Variants in TMEM120B observed in about 807,000 individuals in gnomAD.
TMEM120B encodes the protein transmembrane protein 120B.
Under a neutral mutation model 55.5 loss-of-function variants are expected in TMEM120B, and 31 were observed. The ratio of observed to expected loss-of-function variants is 0.56; its 90% CI spans 0.42 to 0.75. TMEM120B has a LOEUF of 0.75. Among genes scored for constraint, TMEM120B ranks in the 30% least tolerant of loss-of-function variants. TMEM120B has a pLI of 0.00. For missense variants in TMEM120B, 399 were observed against 425.5 expected (o/e 0.94, Z 0.55); for synonymous variants, 203 against 176.3 (o/e 1.15, Z -1.20).
intron 5 of TMEM120B, among the ~76,000 whole-genome samples, chr12:121,759,252 G>C (rs977650374): frequency 6.6e-6 from 1 of 151,944 alleles, no homozygotes; most frequent in African/African-American, 2.4e-5. Context: ...AGTGGTGGTA[G>C]TATTCAAGTT....
rs1435699980 is a variant in TMEM120B, at chr12:121,778,679, T to C, written c.*2957T>C. On this transcript the variant is annotated 3_prime_UTR_variant, in exon 12 of 12. Transcript: ENST00000449592. ...GAAGCGGGGCTTGAGGGACAGCAGG[T>C]TGGGAGCTTGAGGACTAAGTGGGCC... is the stretch of plus-strand genomic sequence containing the variant. 1 of 151,938 alleles carries C rather than the reference T, an allele frequency of 6.6e-6. No homozygotes were observed. The highest frequency in any genetic ancestry group is 2.4e-5 in the African/African-American group (1 of 41,340). 9.4% of individuals were successfully genotyped at this position (151,938 alleles called of 1,614,324 possible).
intron 6 of TMEM120B, among the ~76,000 whole-genome samples, chr12:121,769,541 A>G (rs977198490): frequency 7.9e-6 from 1 of 126,070 alleles, no homozygotes; most frequent in Non-Finnish European, 1.9e-5. Flanking sequence ...CCCTGTCTCT[A>G]AAAAAAAAAA....
chr12:121,713,942 A>C (rs1392802184), intron 1 of TMEM120B, among the ~76,000 whole-genome samples: 2 of 151,940 alleles, frequency 1.3e-5, no homozygotes, highest in Non-Finnish European at 2.9e-5. Flanking sequence ...CTGTCCATGT[A>C]CCTCTTGTCT....
At position 121,748,371 on chromosome 12, in the gene TMEM120B, G is replaced by C; in HGVS notation, c.234G>C (p.Gln78His). The change falls in exon 3 of 12, where the codon CAG becomes CAC. Residue 78 changes from glutamine to histidine, a missense_variant. Gln to His is a conservative substitution (Grantham distance 24). Around this residue, in one of 3 missense-constraint regions of TMEM120B, gnomAD observed 133 missense variants for 104.1 expected, o/e 1.28. Coordinates refer to ENST00000449592, the MANE Select transcript of TMEM120B (RefSeq NM_001080825.2). ...GGGAGGAGGCGGAGCTCGTTCAGCAGATGGCAGCGAACATCAAGGAGCGGC... is the reference window on the plus strand; with the variant it reads ...GGGAGGAGGCGGAGCTCGTTCAGCACATGGCAGCGAACATCAAGGAGCGGC... The part of the protein sequence containing the change: ...ASREEAELVQ[Q>H]MAANIKERQD... 1 of 1,611,094 alleles carries C rather than the reference G, an allele frequency of 6.2e-7. No homozygotes were observed. Among genetic ancestry groups the C allele is most frequent in the Non-Finnish European group, 8.5e-7 (1 of 1,178,686 alleles).
At chr12:121,741,429 A>C (rs1455985383) in intron 1 of TMEM120B, among the ~76,000 whole-genome samples, 1 of 152,166 alleles carries the variant, frequency 6.6e-6, no homozygotes, top group Admixed American at 6.6e-5. Flanking sequence ...TCCCGGGTTC[A>C]AGCGATTCTC....
chr12:121,740,139 T>C (rs1334133027), intron 1 of TMEM120B, among the ~76,000 whole-genome samples: 1 of 152,106 alleles, frequency 6.6e-6, no homozygotes, highest in Non-Finnish European at 1.5e-5. Context: ...ACAGATACAG[T>C]TGATTAACAC....
intron 1 of TMEM120B, among the ~76,000 whole-genome samples, chr12:121,731,853 A>G (rs1895009323): frequency 1.3e-5 from 2 of 152,220 alleles, no homozygotes; most frequent in African/African-American, 2.4e-5. Flanking sequence ...TACCACAATT[A>G]AAAAATGAAA....
Position 121,779,573 on chromosome 12 carries a change from C to T in TMEM120B, c.*3851C>T, listed in dbSNP as rs754409438. ...GAGCGCTGAGAGCCACCTTGGCGGCCTCCCGGAAGACGTCCTCCACATTCT... is the reference window on the plus strand; with the variant it reads ...GAGCGCTGAGAGCCACCTTGGCGGCTTCCCGGAAGACGTCCTCCACATTCT... On this transcript the variant is annotated 3_prime_UTR_variant, in exon 12 of 12. Transcript: ENST00000449592. 1.9e-6 allele frequency: 3 copies of T among 1,614,040 alleles called. No homozygotes were observed. Among genetic ancestry groups the T allele is most frequent in the Non-Finnish European group, 1.7e-6 (2 of 1,180,050 alleles).
chr12:121,736,630 A>G (rs1895122322), intron 1 of TMEM120B, among the ~76,000 whole-genome samples: 1 of 151,496 alleles, frequency 6.6e-6, no homozygotes, highest in Non-Finnish European at 1.5e-5. Flanking sequence ...GCACACTGCA[A>G]CCTCCGCCTC....
chr12:121,734,229 G>T (rs1055232395), intron 1 of TMEM120B, among the ~76,000 whole-genome samples: 1 of 152,054 alleles, frequency 6.6e-6, no homozygotes, highest in Non-Finnish European at 1.5e-5. Context: ...AACTCACATG[G>T]CTGGGGCTGG....
chr12:121,746,377 G>A (rs982348631), intron 2 of TMEM120B, among the ~76,000 whole-genome samples: 1 of 152,026 alleles, frequency 6.6e-6, no homozygotes, highest in African/African-American at 2.4e-5. Context: ...AGTAGAGACG[G>A]GGTTTCTCCA....
chr12:121,734,062 G>A (rs926784938), intron 1 of TMEM120B, among the ~76,000 whole-genome samples: 2 of 152,098 alleles, frequency 1.3e-5, no homozygotes, highest in African/African-American at 4.8e-5. Flanking sequence ...GCGTGGCCCA[G>A]GGTGAGTGGT....
chr12:121,764,326 G>C (rs1873776094), intron 6 of TMEM120B, among the ~76,000 whole-genome samples: 1 of 152,134 alleles, frequency 6.6e-6, no homozygotes, highest in South Asian at 2.1e-4. Flanking sequence ...TTTGAGACCA[G>C]CCTGACCAAC....
intron 1 of TMEM120B, 93 bp downstream of exon 1, chr12:121,713,057 C>T (rs1894629389): frequency 7.1e-6 from 8 of 1,131,424 alleles, no homozygotes; most frequent in Middle Eastern, 2.0e-4. Flanking sequence ...TGGGGACAGT[C>T]AGGGCCTAGG....
chr12:121,723,341 A>G (rs1894832884), intron 1 of TMEM120B, among the ~76,000 whole-genome samples: 1 of 151,714 alleles, frequency 6.6e-6, no homozygotes, highest in Non-Finnish European at 1.5e-5. Flanking sequence ...CTAATGTTCT[A>G]ATCTTCTGCA....
At chr12:121,733,314 G>T (rs1305932665) in intron 1 of TMEM120B, among the ~76,000 whole-genome samples, 1 of 151,946 alleles carries the variant, frequency 6.6e-6, no homozygotes, top group East Asian at 1.9e-4. Flanking sequence ...GCATGATCTC[G>T]GCTCACTGCA....
Position 121,775,644 on chromosome 12 carries a change from C to T in TMEM120B, c.942C>T (p.Phe314=). 6.2e-7 allele frequency: 1 copy of T among 1,614,044 alleles called. No homozygotes were observed. The highest frequency in any genetic ancestry group is 1.1e-5 in the South Asian group (1 of 91,082). ...TGGCGTTCACCTTCCTCATCCTCTT[C>T]CTCGGCAACTTCCTGACCACGCTCA... ...FVLAFTFLIL[F]LGNFLTTLKV... The change falls in exon 12 of 12, where the codon TTC becomes TTT. Residue 314 remains phenylalanine, a synonymous_variant. Transcript: ENST00000449592. This position sits in a 1 kb window ranked among gnomAD's most constrained non-coding sequence, Gnocchi z 4.3.
rs1874201243 is a variant in TMEM120B at position 121,775,270 on chromosome 12, T to TGTGTG, written c.906+146_906+150dup. ...GATGTGGGGGTGGGGTGTGTGCGTG[T>TGTGTG]GTGTGGTGTGCTGTGGGGAGGTTCC... On this transcript the variant is annotated intron_variant, in intron 11 of 11. Transcript: ENST00000449592. This position sits in a 1 kb window ranked among gnomAD's most constrained non-coding sequence, Gnocchi z 4.3. 2 of 871,916 alleles carry TGTGTG rather than the reference T, an allele frequency of 2.3e-6. No homozygotes were observed. The highest frequency in any genetic ancestry group is 3.3e-6 in the Non-Finnish European group (2 of 614,918). 54.0% of individuals were successfully genotyped at this position (871,916 alleles called of 1,614,324 possible).
chr12:121,718,113 A>G (rs1291458552), intron 1 of TMEM120B, among the ~76,000 whole-genome samples: 2 of 152,202 alleles, frequency 1.3e-5, no homozygotes, highest in Non-Finnish European at 2.9e-5. Context: ...AAAGGCTGAC[A>G]ATAATAATAA....
Sources: allele counts gnomAD v4.1 joint callset (sites outside exome capture counted in the v4.1 genomes callset), GRCh38; gene constraint gnomAD v4.1.1; regional missense constraint gnomAD v4.1.1; non-coding constraint Gnocchi (gnomAD v3.1); transcripts MANE v1.5; gene names NCBI Gene and HGNC (gene_info 2026-07-23, HGNC 2026-07-21).